FERMT2: variants seen among roughly 807,000 people sequenced by gnomAD.
FERMT2 encodes the protein fermitin family homolog 2.
FERMT2 carries 15 observed loss-of-function variants against 82.7 expected under a neutral mutation model. The observed-to-expected ratio is 0.18, with a 90% CI of 0.12 to 0.28. The LOEUF is 0.28. Ranked by LOEUF, FERMT2 falls within the 10% of genes least tolerant of loss-of-function variation. The pLI, the probability that FERMT2 is intolerant of heterozygous loss-of-function variation, is 1.00. For missense variants in FERMT2, 645 were observed against 809.4 expected (o/e 0.80, Z 2.46); for synonymous variants, 274 against 271.5 (o/e 1.01, Z -0.09).
chr14:52,869,725 A>G (rs1410350023), intron 10 of FERMT2, among the ~76,000 whole-genome samples: 2 of 152,228 alleles, frequency 1.3e-5, no homozygotes, highest in East Asian at 3.8e-4. Flanking sequence ...AAGTACTTCT[A>G]CTTAAATAAA....
Position 52,903,246 on chromosome 14 carries a change from A to C in FERMT2, c.392-9819T>G, listed in dbSNP as rs150235420. 2.0e-3 allele frequency among the ~76,000 whole-genome samples: 302 copies of C among 152,066 alleles called. 3 individuals carry two copies. Among genetic ancestry groups the C allele is most frequent in the African/African-American group, 7.0e-3 (290 of 41,482 alleles). ...AAGATTAAAAATAAAAATCAAGAACACTATTAGGAGGCCAGGCATGGTGAC... is the reference window on the plus strand; with the variant it reads ...AAGATTAAAAATAAAAATCAAGAACCCTATTAGGAGGCCAGGCATGGTGAC... On this transcript the variant is annotated intron_variant, in intron 3 of 14. Transcript: ENST00000341590.
intron 3 of FERMT2, among the ~76,000 whole-genome samples, chr14:52,913,484 G>A (rs758469709): frequency 2.6e-5 from 4 of 152,146 alleles, no homozygotes; most frequent in Non-Finnish European, 5.9e-5. Flanking sequence ...AGTTCTAGGA[G>A]ACATTTTCTG....
chr14:52,900,473 G>A (rs1009572205), intron 3 of FERMT2, among the ~76,000 whole-genome samples: 3 of 151,884 alleles, frequency 2.0e-5, no homozygotes, highest in Non-Finnish European at 4.4e-5. Flanking sequence ...TATTGAATAC[G>A]TGCATTTATT....
intron 3 of FERMT2, among the ~76,000 whole-genome samples, chr14:52,901,905 T>A (rs532140132): frequency 1.3e-5 from 2 of 152,224 alleles, no homozygotes; most frequent in Admixed American, 1.3e-4. Context: ...GCTGCTAAAT[T>A]TATGGTAATT....
chr14:52,913,308 C>T (rs1888428821), intron 3 of FERMT2, among the ~76,000 whole-genome samples: 1 of 152,176 alleles, frequency 6.6e-6, no homozygotes. Flanking sequence ...AAAATTCTAA[C>T]ACTATGAGAT....
intron 2 of FERMT2, among the ~76,000 whole-genome samples, chr14:52,921,861 T>C (rs1472771261): frequency 6.6e-6 from 1 of 152,212 alleles, no homozygotes; most frequent in African/African-American, 2.4e-5. Flanking sequence ...AGAAACACTC[T>C]GGTCTCAAGC....
chr14:52,881,227 T>C lies in FERMT2; in HGVS notation c.752+17A>G. 1 of 1,607,022 alleles carries C rather than the reference T, an allele frequency of 6.2e-7. No homozygotes were observed. Among genetic ancestry groups the C allele is most frequent in the Admixed American group, 1.7e-5 (1 of 59,864 alleles). ...CTGGATGAAGAAATTCAATTTTATC[T>C]ATATCTTAAAACTTACCCTTGGTTG... On this transcript the variant is annotated intron_variant, in intron 5 of 14. Transcript: ENST00000341590.
chr14:52,924,336 T>A (rs540661998), intron 2 of FERMT2, among the ~76,000 whole-genome samples: 1 of 152,300 alleles, frequency 6.6e-6, no homozygotes, highest in African/African-American at 2.4e-5. Context: ...TGATTGGCAT[T>A]AGAATCATCT....
chr14:52,939,373 C>CA (rs35130630), intron 2 of FERMT2, among the ~76,000 whole-genome samples: 43,182 of 92,944 alleles, frequency 0.46, 8,210 homozygotes, highest in East Asian at 0.7. Context: ...ACTACGGTCT[C>CA]AAAAAAAAAA....
At chr14:52,881,878 C>T in intron 4 of FERMT2, 1 of 768,900 alleles carries the variant, frequency 1.3e-6, no homozygotes, top group East Asian at 6.3e-5. Flanking sequence ...AAGGCCACAA[C>T]AGAGGACAGA....
At chr14:52,940,696 T>G (rs1333310543) in intron 2 of FERMT2, among the ~76,000 whole-genome samples, 2 of 152,202 alleles carry the variant, frequency 1.3e-5, no homozygotes, top group Non-Finnish European at 2.9e-5. Flanking sequence ...TTATCTATAC[T>G]GAGATTCTAG....
At chr14:52,877,506 T>G (rs1326459748) in intron 7 of FERMT2, among the ~76,000 whole-genome samples, 1 of 151,468 alleles carries the variant, frequency 6.6e-6, no homozygotes, top group Non-Finnish European at 1.5e-5. Context: ...GGGATTTATT[T>G]TCCTTGTCTA....
At chr14:52,859,532 C>T in intron 14 of FERMT2, 41 bp downstream of exon 14, 2 of 1,512,252 alleles carry the variant, frequency 1.3e-6, no homozygotes, top group Non-Finnish European at 1.8e-6. Flanking sequence ...TAATTTGTAT[C>T]AGAGAAGGAC....
chr14:52,928,818 T>G (rs187077604), intron 2 of FERMT2, among the ~76,000 whole-genome samples: 3 of 152,162 alleles, frequency 2.0e-5, no homozygotes, highest in African/African-American at 4.8e-5. Context: ...CTTCTTAAAT[T>G]TGTACCCAGA....
At chr14:52,888,682 C>T (rs951790961) in intron 4 of FERMT2, among the ~76,000 whole-genome samples, 3 of 152,058 alleles carry the variant, frequency 2.0e-5, no homozygotes, top group Non-Finnish European at 2.9e-5. Flanking sequence ...CTATGCATAC[C>T]GGTCTTCACC....
chr14:52,915,203 G>T (rs1484182236), intron 3 of FERMT2, among the ~76,000 whole-genome samples: 1 of 152,066 alleles, frequency 6.6e-6, no homozygotes. Context: ...TTCATGAATG[G>T]TAAGATCTAC....
intron 3 of FERMT2, among the ~76,000 whole-genome samples, chr14:52,902,413 A>AAG (rs1440167526): frequency 4.0e-5 from 6 of 151,446 alleles, no homozygotes; most frequent in South Asian, 2.1e-4. Context: ...ACAAAAAAAA[A>AAG]AGAGAGAGAG....
intron 9 of FERMT2, 50 bp from the exon 10 acceptor site, chr14:52,872,973 T>TTA (rs750390073): frequency 6.4e-7 from 1 of 1,568,616 alleles, no homozygotes; most frequent in Non-Finnish European, 8.7e-7. Flanking sequence ...GTAACTTTAT[T>TTA]AACGCTGTAT....
At chr14:52,919,003 C>T (rs1341725198) in intron 3 of FERMT2, 120 bp downstream of exon 3, 1 of 576,628 alleles carries the variant, frequency 1.7e-6, no homozygotes. Flanking sequence ...AAATTTCACA[C>T]ACATACATAT....
Sources: allele counts gnomAD v4.1 joint callset (sites outside exome capture counted in the v4.1 genomes callset), GRCh38; gene constraint gnomAD v4.1.1; transcripts MANE v1.5; gene names NCBI Gene and HGNC (gene_info 2026-07-23, HGNC 2026-07-21).